CHD7: variants seen among roughly 807,000 people sequenced by gnomAD.
The protein encoded by CHD7 is ATP-dependent chromatin remodeler CHD7.
Under a neutral mutation model 307.3 loss-of-function variants are expected in CHD7, and 24 were observed. The observed-to-expected ratio is 0.08, with a 90% CI of 0.06 to 0.11. CHD7 has a LOEUF of 0.11. Among genes scored for constraint, CHD7 ranks in the 10% least tolerant of loss-of-function variants. The probability of loss-of-function intolerance (pLI) is 1.00; values close to 1 mark genes in which losing one functional copy is unlikely to be tolerated. For synonymous variants in CHD7, 1,363 were observed against 1,349.9 expected (o/e 1.01, Z -0.21); for missense variants, 3,106 against 3,727.1 (o/e 0.83, Z 4.34).
intron 1 of CHD7, among the ~76,000 whole-genome samples, chr8:60,739,366 A>G (rs1808874128): frequency 6.6e-6 from 1 of 152,248 alleles, no homozygotes; most frequent in Non-Finnish European, 1.5e-5. Flanking sequence ...TGAGCCTTGA[A>G]TAAATGATGA....
chr8:60,764,129 A>G (rs983101242), intron 2 of CHD7, among the ~76,000 whole-genome samples: 6 of 152,116 alleles, frequency 3.9e-5, no homozygotes, highest in Admixed American at 3.9e-4. Flanking sequence ...CTGGTACTAC[A>G]GGTGCCCGCC....
At chr8:60,703,411 C>T (rs532749568) in intron 1 of CHD7, among the ~76,000 whole-genome samples, 7 of 152,278 alleles carry the variant, frequency 4.6e-5, no homozygotes, top group East Asian at 3.9e-4. Flanking sequence ...TAAAATTCAT[C>T]GCTTTCTCTT....
rs34979623 is a variant in CHD7 at position 60,781,401 on chromosome 8, G to A, written c.2067G>A (p.Thr689=). The A allele has an allele frequency of 4.7e-4, 723 of 1,529,974 alleles. 6 individuals are homozygous for A. The highest frequency in any genetic ancestry group is 4.0e-3 in the African/African-American group (281 of 70,892). 94.8% of individuals were successfully genotyped at this position (1,529,974 alleles called of 1,614,324 possible). Residue 689 remains threonine (T), a synonymous_variant, in exon 3 of 38, where the codon ACG becomes ACA. Coordinates refer to ENST00000423902, the MANE Select transcript of CHD7 (RefSeq NM_017780.4). The stretch of plus-strand genomic sequence containing the variant: ...AGGAAAAGAAAGCAAAAACTGCCAC[G>A]CCAAAACCCAAATCCAGCAAAAAGT... The part of the protein sequence containing the change: ...EPKEKKAKTA[T]PKPKSSKKSS...
In CHD7 at chr8:60,820,097, G is replaced by A; in HGVS notation, c.2697+7G>A. The A allele has an allele frequency of 6.3e-7, 1 of 1,587,504 alleles. No individual in the cohort carries two copies. On this transcript the variant is annotated splice_region_variant and intron_variant, in intron 9 of 37. Coordinates refer to ENST00000423902, the MANE Select transcript of CHD7 (RefSeq NM_017780.4). ...CACAGATGACCGGGGAGAGGTAACA[G>A]GAGATCATTTGTATTACAAAGTGGT...
In CHD7 at chr8:60,856,704, C is replaced by G; in HGVS notation, c.7424C>G (p.Ser2475Cys). The change falls in exon 34 of 38, where the codon TCT (serine) becomes TGT (cysteine). Residue 2475 changes from serine to cysteine, a missense_variant. This residue lies in a region of CHD7 where 1,030 missense variants were observed against 1,165.4 expected (regional missense o/e 0.88). Coordinates refer to ENST00000423902, the MANE Select transcript of CHD7 (RefSeq NM_017780.4). ...FILPNVSTPV[S>C]DAFKTQMELL... ...TTGCCTAATGTCTCAACACCAGTGT[C>G]TGATGCCTTTAAGACTCAAATGGAA... is the stretch of plus-strand genomic sequence containing the variant. The G allele has an allele frequency of 6.2e-7, 1 of 1,614,046 alleles. No homozygotes were observed. The highest frequency in any genetic ancestry group is 2.2e-5 in the East Asian group (1 of 44,886).
intron 3 of CHD7, among the ~76,000 whole-genome samples, chr8:60,782,036 C>T (rs112216907): frequency 1.1e-4 from 16 of 152,218 alleles, no homozygotes; most frequent in Middle Eastern, 3.4e-3. Flanking sequence ...ATTCTCTGAC[C>T]GCTCCCCCAA....
chr8:60,861,877 C>T (rs1805995522), intron 35 of CHD7: 1 of 191,722 alleles, frequency 5.2e-6, no homozygotes. Flanking sequence ...GAGCCACTAA[C>T]TAGAAATTAG....
At position 60,852,008 on chromosome 8, in the gene CHD7, C is replaced by T; in HGVS notation, c.5666-11C>T. On this transcript the variant is annotated splice_polypyrimidine_tract_variant and intron_variant, in intron 28 of 37. Transcript: ENST00000423902. ...GCTACACATTTCAAAAATGTTTTTC[C>T]ACTTCCCCAGGCAAGCACAGTGAGA... 2 of 1,587,508 alleles carry T rather than the reference C, an allele frequency of 1.3e-6. No homozygotes were observed. The highest frequency in any genetic ancestry group is 1.8e-5 in the Admixed American group (1 of 56,838).
chr8:60,714,714 A>G (rs998628746), intron 1 of CHD7, among the ~76,000 whole-genome samples: 17 of 146,432 alleles, frequency 1.2e-4, no homozygotes, highest in African/African-American at 2.5e-4. Flanking sequence ...GCTCCTCCTC[A>G]CTCTGGTCGT....
intron 19 of CHD7, among the ~76,000 whole-genome samples, chr8:60,838,606 TC>T: frequency 6.6e-6 from 1 of 152,336 alleles, no homozygotes; most frequent in East Asian, 1.9e-4. Context: ...ATAAGAATGA[TC>T]AAGTCACTCC....
chr8:60,680,975 A>G (rs1311453306), intron 1 of CHD7, among the ~76,000 whole-genome samples: 1 of 152,138 alleles, frequency 6.6e-6, no homozygotes, highest in African/African-American at 2.4e-5. Flanking sequence ...ATTTTCTAAA[A>G]ATTTTAATTT....
In CHD7 at chr8:60,741,537, T is replaced by A. The variant is rs1809009237; in HGVS notation, c.105T>A (p.Asn35Lys). 1 of 1,613,418 alleles carries A rather than the reference T, an allele frequency of 6.2e-7. No individual in the cohort carries two copies. Among genetic ancestry groups the A allele is most frequent in the East Asian group, 2.2e-5 (1 of 44,874 alleles). ...GECGYPENPV[N>K]PMGQQMPIDQ... Reference sequence around the variant, plus strand: ...GTGGTTACCCGGAAAATCCAGTAAATCCTATGGGTCAGCAAATGCCAATAG... The same window carrying A: ...GTGGTTACCCGGAAAATCCAGTAAAACCTATGGGTCAGCAAATGCCAATAG... The change falls in exon 2 of 38, where the codon AAT (asparagine) becomes AAA (lysine). Residue 35 changes from asparagine (N) to lysine (K), a missense_variant. Around this residue, in one of 10 missense-constraint regions of CHD7, gnomAD observed 998 missense variants for 1,004.5 expected, o/e 0.99. Coordinates refer to ENST00000423902, the MANE Select transcript of CHD7 (RefSeq NM_017780.4).
At position 60,854,244 on chromosome 8, in the gene CHD7, G is replaced by A. The variant is rs1805606885; in HGVS notation, c.6776-119G>A. 7.7e-6 allele frequency: 6 copies of A among 775,690 alleles called. No homozygotes were observed. In the Admixed American group the frequency reaches 1.5e-4, roughly 19 times the overall value. 48.1% of individuals were successfully genotyped at this position (775,690 alleles called of 1,614,324 possible). On this transcript the variant is annotated intron_variant, in intron 31 of 37. Transcript: ENST00000423902. ...CAGTGCCCAATACCATTCTAGCCAT[G>A]TAGTAGGTACTCAATAAAATGGAGC...
intron 1 of CHD7, among the ~76,000 whole-genome samples, chr8:60,696,365 T>C (rs1240895078): frequency 6.6e-6 from 1 of 152,232 alleles, no homozygotes; most frequent in East Asian, 1.9e-4. Flanking sequence ...GGTTTGAATC[T>C]GCCTGACCGC....
intron 31 of CHD7, among the ~76,000 whole-genome samples, chr8:60,854,079 G>T (rs536494306): frequency 6.6e-6 from 1 of 152,272 alleles, no homozygotes; most frequent in African/African-American, 2.4e-5. Context: ...TCAATGACTT[G>T]GTTGGCTATC....
At chr8:60,848,427 T>C (rs1367043704) in intron 23 of CHD7, 88 bp from the exon 24 acceptor site, 1 of 846,096 alleles carries the variant, frequency 1.2e-6, no homozygotes, top group Non-Finnish European at 1.9e-6. Context: ...GGCAGGATGA[T>C]GGATGAACAG....
At chr8:60,830,705 C>T in intron 15 of CHD7, 128 bp downstream of exon 15, 1 of 1,012,598 alleles carries the variant, frequency 9.9e-7, no homozygotes, top group Admixed American at 2.7e-5. Flanking sequence ...GCATGGGTTT[C>T]ACCAGCTTCC....
chr8:60,772,707 C>G (rs756002383), intron 2 of CHD7, among the ~76,000 whole-genome samples: 6 of 152,038 alleles, frequency 3.9e-5, no homozygotes, highest in Admixed American at 2.6e-4. Flanking sequence ...GGTGAGCCCA[C>G]TAAGGGAAGG....
At chr8:60,833,092 C>T (rs1263520799) in intron 15 of CHD7, among the ~76,000 whole-genome samples, 1 of 152,238 alleles carries the variant, frequency 6.6e-6, no homozygotes, top group East Asian at 1.9e-4. Flanking sequence ...TGTTCATTCT[C>T]ATCCACAGTC....
Sources: allele counts gnomAD v4.1 joint callset (sites outside exome capture counted in the v4.1 genomes callset), GRCh38; gene constraint gnomAD v4.1.1; regional missense constraint gnomAD v4.1.1; transcripts MANE v1.5; gene names NCBI Gene and HGNC (gene_info 2026-07-23, HGNC 2026-07-21).